Variants in CBLN2 observed in about 807,000 individuals in gnomAD.
CBLN2 encodes cerebellin 2 precursor, also known as cerebellin-2.
In CBLN2, 7 loss-of-function variants were observed where a neutral mutation model predicts 15.0. The ratio of observed to expected loss-of-function variants is 0.47; its 90% CI spans 0.27 to 0.88. The LOEUF (loss-of-function observed/expected upper bound fraction) is 0.88, where lower values mean the gene tolerates loss of function less well. Ranked by LOEUF, CBLN2 falls within the 40% of genes least tolerant of loss-of-function variation. The probability of loss-of-function intolerance (pLI) is 0.14; values close to 1 mark genes in which losing one functional copy is unlikely to be tolerated. For missense variants in CBLN2, 242 were observed against 304.5 expected (o/e 0.79, Z 1.53); for synonymous variants, 149 against 135.2 (o/e 1.10, Z -0.71).
At chr18:72,570,549 G>C (rs1230927012) in intron 1 of CBLN2, among the ~76,000 whole-genome samples, 1 of 151,816 alleles carries the variant, frequency 6.6e-6, no homozygotes, top group East Asian at 1.9e-4. Context: ...TGCCCAGCCA[G>C]CCAACAGCAT....
chr18:72,554,064 C>T (rs998510736), intron 1 of CBLN2, among the ~76,000 whole-genome samples: 7 of 152,120 alleles, frequency 4.6e-5, no homozygotes, highest in South Asian at 2.1e-4. Context: ...GAATTAATAA[C>T]GAATCACATA....
intron 1 of CBLN2, among the ~76,000 whole-genome samples, chr18:72,628,395 C>CA (rs1162352321): frequency 5.3e-5 from 8 of 152,030 alleles, no homozygotes; most frequent in African/African-American, 1.9e-4. Context: ...ATGGGAAGGA[C>CA]AAAAAAATTG....
intron 1 of CBLN2, among the ~76,000 whole-genome samples, chr18:72,552,411 T>C (rs1020250279): frequency 2.0e-5 from 3 of 151,898 alleles, no homozygotes; most frequent in African/African-American, 7.3e-5. Context: ...ATAGAAGAAA[T>C]AGATTTAAAT....
At chr18:72,581,013 C>T (rs778148118) in intron 1 of CBLN2, among the ~76,000 whole-genome samples, 1 of 152,150 alleles carries the variant, frequency 6.6e-6, no homozygotes, top group Non-Finnish European at 1.5e-5. Context: ...TATCTGACCA[C>T]GTTTTATGTT....
chr18:72,618,696 G>A (rs1303589358), intron 1 of CBLN2: 3 of 732,908 alleles, frequency 4.1e-6, no homozygotes, highest in Admixed American at 1.8e-5. Context: ...GCAGTGGCAA[G>A]AAAAGGCGCT....
intron 1 of CBLN2, among the ~76,000 whole-genome samples, chr18:72,591,184 A>G (rs2069477602): frequency 6.6e-6 from 1 of 152,214 alleles, no homozygotes; most frequent in African/African-American, 2.4e-5. Flanking sequence ...CCAGCTAGTC[A>G]TAAGTTTTAA....
chr18:72,608,671 G>A (rs2069600711), intron 1 of CBLN2, among the ~76,000 whole-genome samples: 1 of 152,224 alleles, frequency 6.6e-6, no homozygotes, highest in African/African-American at 2.4e-5. Context: ...AAAGTGGGAA[G>A]TGATTGTGAG....
chr18:72,638,059 C>T (rs2069825763), intron 1 of CBLN2, among the ~76,000 whole-genome samples: 1 of 152,096 alleles, frequency 6.6e-6, no homozygotes, highest in African/African-American at 2.4e-5. Context: ...GAGTGAGGGC[C>T]CTGCTATTTC....
At chr18:72,551,282 ATTG>A (rs1568252917) in intron 1 of CBLN2, among the ~76,000 whole-genome samples, 3 of 152,108 alleles carry the variant, frequency 2.0e-5, no homozygotes. Context: ...TGAAGAGAAA[ATTG>A]TTGTTTAGTT....
At chr18:72,556,815 A>G (rs1210570004) in intron 1 of CBLN2, among the ~76,000 whole-genome samples, 1 of 152,170 alleles carries the variant, frequency 6.6e-6, no homozygotes, top group Non-Finnish European at 1.5e-5. Context: ...AGTGGAAAGT[A>G]GAGAACCATA....
intron 1 of CBLN2, among the ~76,000 whole-genome samples, chr18:72,571,558 G>A (rs1400618238): frequency 6.6e-6 from 1 of 152,182 alleles, no homozygotes. Context: ...GGAATCATTG[G>A]TGCTTTGACA....
At chr18:72,569,429 A>G (rs1462806197) in intron 1 of CBLN2, among the ~76,000 whole-genome samples, 1 of 152,230 alleles carries the variant, frequency 6.6e-6, no homozygotes, top group Non-Finnish European at 1.5e-5. Context: ...CTCTGGAAAC[A>G]ATCAGTTATG....
chr18:72,598,244 C>T (rs1223236613), intron 1 of CBLN2, among the ~76,000 whole-genome samples: 2 of 152,170 alleles, frequency 1.3e-5, no homozygotes, highest in Admixed American at 6.5e-5. Context: ...GACCCAAGGG[C>T]TCTTTAGTCA....
chr18:72,626,151 T>C (rs2069738217), intron 1 of CBLN2, among the ~76,000 whole-genome samples: 1 of 152,066 alleles, frequency 6.6e-6, no homozygotes, highest in Non-Finnish European at 1.5e-5. Context: ...GCAAACATTT[T>C]TCATTTTTAT....
chr18:72,634,020 A>G (rs965177005), intron 1 of CBLN2, among the ~76,000 whole-genome samples: 3 of 152,016 alleles, frequency 2.0e-5, no homozygotes, highest in Non-Finnish European at 1.5e-5. Flanking sequence ...TTTTATTGCA[A>G]TATACAAACT....
In CBLN2 at chr18:72,542,157, G is replaced by T. The variant is rs1407767965; in HGVS notation, c.4C>A (p.Gln2Lys). 22 of 1,299,922 alleles carry T rather than the reference G, an allele frequency of 1.7e-5. No homozygotes were observed. The highest frequency in any genetic ancestry group is 2.0e-5 in the Non-Finnish European group (21 of 1,030,856). The allele number at this position is 1,299,922 out of a possible 1,614,324, so 80.5% of individuals were successfully genotyped here. A position where few individuals can be genotyped will look rare whatever the true frequency, so the allele number is the denominator to read the frequency against. MQAPGRGPLGLR... is the reference protein window; with the variant it reads MKAPGRGPLGLR... ...CCGAGTGGCCCCCGGCCGGGCGCCTGCATCGGGACTGGTGGGAGGCGGCGC... is the reference window on the plus strand; with the variant it reads ...CCGAGTGGCCCCCGGCCGGGCGCCTTCATCGGGACTGGTGGGAGGCGGCGC... The change falls in exon 3 of 5, where the codon CAG (glutamine) becomes AAG (lysine). Residue 2 changes from glutamine to lysine, a missense_variant. Physicochemically the swap from Gln to Lys is moderately conservative, Grantham distance 53. Transcript: ENST00000269503.
At chr18:72,553,540 G>C (rs940569937) in intron 1 of CBLN2, among the ~76,000 whole-genome samples, 32 of 152,064 alleles carry the variant, frequency 2.1e-4, no homozygotes, top group Non-Finnish European at 4.3e-4. Context: ...TATTACAAAT[G>C]TGTGCATATT....
Position 72,543,805 on chromosome 18 carries a change from C to T in CBLN2, c.-212+172G>A, listed in dbSNP as rs2144871009. ...GCGCCCGCACCGCTGCCTGGGGCCC[C>T]TCGAGCTCCCGCGCTCAGCGCGTCC... On this transcript the variant is annotated intron_variant, in intron 1 of 4. Transcript: ENST00000269503. The surrounding 1 kb of genome is among the most constrained non-coding windows in gnomAD (Gnocchi z 6.8). Among the ~76,000 whole-genome samples, 1 of 152,002 alleles carries T rather than the reference C, an allele frequency of 6.6e-6. No homozygotes were observed. The highest frequency in any genetic ancestry group is 2.0e-4 in the East Asian group (1 of 5,110).
At chr18:72,622,853 C>G (rs1235907273) in intron 1 of CBLN2, among the ~76,000 whole-genome samples, 1 of 152,146 alleles carries the variant, frequency 6.6e-6, no homozygotes, top group Non-Finnish European at 1.5e-5. Context: ...CGTCTTTGAG[C>G]TATGTTCTAC....
Sources: allele counts gnomAD v4.1 joint callset (sites outside exome capture counted in the v4.1 genomes callset), GRCh38; gene constraint gnomAD v4.1.1; non-coding constraint Gnocchi (gnomAD v3.1); transcripts MANE v1.5; gene names NCBI Gene and HGNC (gene_info 2026-07-23, HGNC 2026-07-21).